TRMT44: variants seen among roughly 807,000 people sequenced by gnomAD.
TRMT44 encodes tRNA methyltransferase 44 homolog, also known as probable tRNA (uracil-O(2)-)-methyltransferase.
A neutral mutation model predicts 77.3 loss-of-function variants in TRMT44; 78 were observed. The observed-to-expected ratio is 1.01, with a 90% CI of 0.84 to 1.22. The LOEUF is 1.22. TRMT44 is among the 50% of genes most tolerant of loss of function. The pLI, the probability that TRMT44 is intolerant of heterozygous loss-of-function variation, is 0.00. For missense variants in TRMT44, 1,090 were observed against 964.4 expected, an observed-to-expected ratio of 1.13 and a Z score of -1.73; for synonymous variants, 391 against 383.3, an observed-to-expected ratio of 1.02 and a Z score of -0.23.
At position 8,451,964 on chromosome 4, in the gene TRMT44, G is replaced by T; in HGVS notation, c.959G>T (p.Trp320Leu). 6.5e-7 allele frequency: 1 copy of T among 1,536,690 alleles called. No individual in the cohort carries two copies. The highest frequency in any genetic ancestry group is 1.2e-5 in the South Asian group (1 of 84,052). ...KEKYKEMVKV[W>L]PEVTDPEKFV... is the part of the protein sequence containing the mutation. ...TTGCTCTTGAAACTGTTTTAGGTGT[G>T]GCCTGAAGTCACTGATCCTGAGAAG... Residue 320 changes from tryptophan to leucine, a missense_variant, in exon 4 of 11, where the codon TGG becomes TTG. Trp to Leu is a moderately conservative substitution (Grantham distance 61). Transcript: ENST00000389737. This position sits in a 1 kb window ranked among gnomAD's most constrained non-coding sequence, Gnocchi z 4.1.
chr4:8,487,131 G>T (rs937890718), intron 2 of TRMT44, among the ~76,000 whole-genome samples: 4 of 152,188 alleles, frequency 2.6e-5, no homozygotes, highest in African/African-American at 9.7e-5. Flanking sequence ...TTTAGATCTT[G>T]CAGGATGGAA....
intron 6 of TRMT44, among the ~76,000 whole-genome samples, chr4:8,457,234 G>C (rs1245339475): frequency 6.6e-6 from 1 of 152,124 alleles, no homozygotes; most frequent in East Asian, 1.9e-4. Flanking sequence ...TTTATGATCA[G>C]GACTGCCCTT....
chr4:8,499,461 T>C, the TRMT44 span, among the ~76,000 whole-genome samples: 1 of 151,858 alleles, frequency 6.6e-6, no homozygotes, highest in African/African-American at 2.4e-5. Context: ...TTGCCTTCCC[T>C]CTTCTTCAAC....
chr4:8,471,135 G>A lies in TRMT44; in HGVS notation c.1979G>A (p.Arg660Gln), dbSNP rs764705950. 1.1e-5 allele frequency: 18 copies of A among 1,609,066 alleles called. No homozygotes were observed. The highest frequency in any genetic ancestry group is 1.7e-4 in the Middle Eastern group (1 of 6,034). The change falls in exon 10 of 11, where the codon CGG becomes CAG. Residue 660 changes from arginine to glutamine, a missense_variant. By Grantham distance (43) the Arg-to-Gln change is conservative. Coordinates refer to ENST00000389737, the MANE Select transcript of TRMT44 (RefSeq NM_152544.3). ...VANELDTETLRRLKRECGGLQ... is the reference protein window; with the variant it reads ...VANELDTETLQRLKRECGGLQ... ...AACGAGCTGGACACGGAGACCCTGCGGAGGCTGAAGCGGGAGTGTGGGGGC... is the reference window on the plus strand; with the variant it reads ...AACGAGCTGGACACGGAGACCCTGCAGAGGCTGAAGCGGGAGTGTGGGGGC...
In TRMT44 at chr4:8,448,064, A is replaced by G. The variant is rs368040151; in HGVS notation, c.734+1474A>G. Among the ~76,000 whole-genome samples, 16 of 151,976 alleles carry G rather than the reference A, an allele frequency of 1.1e-4. No individual in the cohort carries two copies. In the East Asian group the frequency reaches 2.9e-3, roughly 28 times the overall value. ...TCTAGTCGGCATCGGAGTGACGTTC[A>G]CTGCTCTTTAACGAGCTACTGAGGA... is the stretch of plus-strand genomic sequence containing the variant. On this transcript the variant is annotated intron_variant, in intron 2 of 10. Coordinates refer to ENST00000389737, the MANE Select transcript of TRMT44 (RefSeq NM_152544.3).
chr4:8,502,821 A>G, the TRMT44 span, among the ~76,000 whole-genome samples: 70 of 152,352 alleles, frequency 4.6e-4, no homozygotes, highest in African/African-American at 1.5e-3. Context: ...GATCCCGCTT[A>G]CACTCAGGGG....
chr4:8,450,003 A>C, intron 3 of TRMT44, 115 bp downstream of exon 3: 1 of 617,130 alleles, frequency 1.6e-6, no homozygotes, highest in Non-Finnish European at 2.5e-6. Flanking sequence ...CACCCCCCCA[A>C]AAAAAAGGGC....
chr4:8,471,345 C>T (rs897388498), intron 10 of TRMT44, 145 bp downstream of exon 10: 8 of 578,274 alleles, frequency 1.4e-5, no homozygotes, highest in East Asian at 9.6e-5. Flanking sequence ...CCAGCTCTGA[C>T]GTGGGTGGCA....
At chr4:8,466,494 TG>T (rs1432129092) in intron 8 of TRMT44, among the ~76,000 whole-genome samples, 2 of 152,216 alleles carry the variant, frequency 1.3e-5, no homozygotes, top group African/African-American at 4.8e-5. Flanking sequence ...GGAGCAGCGT[TG>T]GCTTGTGGCA....
Position 8,461,798 on chromosome 4 carries a change from G to C in TRMT44, c.1204-2187G>C, listed in dbSNP as rs1384105856. Among the ~76,000 whole-genome samples, 2 of 152,182 alleles carry C rather than the reference G, an allele frequency of 1.3e-5. No homozygotes were observed. The stretch of plus-strand genomic sequence containing the variant: ...CTGTCATGCTTTCTGCCTTGGAGGA[G>C]CATGGCCAGAATGAGGGTGGTTCCG... On this transcript the variant is annotated intron_variant, in intron 6 of 10. Coordinates refer to ENST00000389737, the MANE Select transcript of TRMT44 (RefSeq NM_152544.3). The surrounding 1 kb of genome is among the most constrained non-coding windows in gnomAD (Gnocchi z 4.6).
rs1404887493 is a variant in TRMT44, at chr4:8,443,369, C to T, written c.619+1928C>T. The stretch of plus-strand genomic sequence containing the variant: ...CAGTTTTCCCTCTCAACAAGGAGTA[C>T]GTTTTCAGGATTGCTTTCTATATTC... On this transcript the variant is annotated intron_variant, in intron 1 of 10. Transcript: ENST00000389737. Among the ~76,000 whole-genome samples, 5 of 152,154 alleles carry T rather than the reference C, an allele frequency of 3.3e-5. No homozygotes were observed. In the East Asian group the frequency reaches 5.8e-4, roughly 18 times the overall value.
At chr4:8,500,411 G>A in the TRMT44 span, among the ~76,000 whole-genome samples, 1 of 151,798 alleles carries the variant, frequency 6.6e-6, no homozygotes, top group Non-Finnish European at 1.5e-5. Flanking sequence ...AGAGAGAATC[G>A]GTTGAACCTG....
At chr4:8,460,054 C>T (rs542099893) in intron 6 of TRMT44, among the ~76,000 whole-genome samples, 56 of 152,292 alleles carry the variant, frequency 3.7e-4, no homozygotes, top group African/African-American at 1.2e-3. Context: ...GCCATGTGAC[C>T]GTGGGGTTAA....
intron 6 of TRMT44, among the ~76,000 whole-genome samples, chr4:8,458,464 C>CTTTT (rs56203512): frequency 4.6e-5 from 6 of 130,304 alleles, no homozygotes; most frequent in Non-Finnish European, 6.5e-5. Flanking sequence ...CTTTTCTTTT[C>CTTTT]TTTTTTTTTT....
Position 8,461,100 on chromosome 4 carries a change from C to T in TRMT44, c.1204-2885C>T, listed in dbSNP as rs527521994. ...TCTGGGGCTCAAGTGATCCTCCCAC[C>T]TCGGCCTCCCACAGGGCTGGGATGA... On this transcript the variant is annotated intron_variant, in intron 6 of 10. Coordinates refer to ENST00000389737, the MANE Select transcript of TRMT44 (RefSeq NM_152544.3). The surrounding 1 kb of genome is among the most constrained non-coding windows in gnomAD (Gnocchi z 4.6). Among the ~76,000 whole-genome samples the T allele has an allele frequency of 2.0e-5, 3 of 152,188 alleles. No individual in the cohort carries two copies. The highest frequency in any genetic ancestry group is 4.4e-5 in the Non-Finnish European group (3 of 68,040).
chr4:8,487,101 C>G (rs897180804), intron 2 of TRMT44, among the ~76,000 whole-genome samples: 2 of 152,130 alleles, frequency 1.3e-5, no homozygotes, highest in Non-Finnish European at 2.9e-5. Flanking sequence ...AGACTGTTTG[C>G]TATTTTATGA....
intron 9 of TRMT44, among the ~76,000 whole-genome samples, chr4:8,469,147 C>T (rs907282863): frequency 6.6e-6 from 1 of 152,238 alleles, no homozygotes; most frequent in African/African-American, 2.4e-5. Flanking sequence ...CATCCTTTGT[C>T]CTCTTGTACC....
At chr4:8,475,729 T>C in intron 10 of TRMT44, 43 bp from the exon 11 acceptor site, 1 of 1,593,952 alleles carries the variant, frequency 6.3e-7, no homozygotes, top group South Asian at 1.1e-5. Context: ...TAAGGAACTT[T>C]CAGGTTTACT....
At chr4:8,516,755 GCAA>G in the TRMT44 span, among the ~76,000 whole-genome samples, 2 of 152,174 alleles carry the variant, frequency 1.3e-5, no homozygotes, top group Non-Finnish European at 2.9e-5. Flanking sequence ...TCCAGCCTGG[GCAA>G]CAGAGCAAGA....
Sources: gnomAD v4.1 joint callset for allele counts (sites outside exome capture counted in the v4.1 genomes callset) on GRCh38, gnomAD v4.1.1 for gene constraint, Gnocchi (gnomAD v3.1) non-coding constraint, MANE v1.5 for transcripts, NCBI Gene and HGNC (gene_info 2026-07-23, HGNC 2026-07-21) for gene names.